Variants in MEIS2 observed in about 807,000 individuals in gnomAD.
MEIS2 encodes Meis homeobox 2.
MEIS2 carries 9 observed loss-of-function variants against 58.6 expected under a neutral mutation model. That is an observed-to-expected ratio of 0.15 (90% CI 0.09 to 0.27). MEIS2 has a LOEUF of 0.27. Among genes scored for constraint, MEIS2 ranks in the 10% least tolerant of loss-of-function variants. The probability of loss-of-function intolerance (pLI) is 1.00; values close to 1 mark genes in which losing one functional copy is unlikely to be tolerated. For missense variants in MEIS2, 427 were observed against 635.0 expected, an observed-to-expected ratio of 0.67 and a Z score of 3.52; for synonymous variants, 221 against 228.4, an observed-to-expected ratio of 0.97 and a Z score of 0.29.
chr15:36,993,951 A>G (rs913506224), intron 8 of MEIS2, among the ~76,000 whole-genome samples: 2 of 152,148 alleles, frequency 1.3e-5, no homozygotes, highest in African/African-American at 4.8e-5. Flanking sequence ...AGCTACCTCC[A>G]TAAGGTGTGA....
chr15:37,072,769 C>T (rs1199626929), intron 7 of MEIS2, among the ~76,000 whole-genome samples: 1 of 152,058 alleles, frequency 6.6e-6, no homozygotes, highest in African/African-American at 2.4e-5. Context: ...TGTTGGTGTG[C>T]TGCACCCATT....
intron 8 of MEIS2, among the ~76,000 whole-genome samples, chr15:37,002,262 C>CCACCCCAT (rs1257328375): frequency 6.6e-6 from 1 of 151,580 alleles, no homozygotes; most frequent in East Asian, 1.9e-4. Flanking sequence ...GCCCCCACCC[C>CCACCCCAT]CACCCCATCA....
intron 8 of MEIS2, among the ~76,000 whole-genome samples, chr15:37,023,329 G>C (rs988086354): frequency 1.3e-5 from 2 of 152,040 alleles, no homozygotes; most frequent in Non-Finnish European, 2.9e-5. Flanking sequence ...GGGTTGATTT[G>C]TGAATTCCTA....
intron 8 of MEIS2, among the ~76,000 whole-genome samples, chr15:36,982,359 G>A (rs1219280897): frequency 6.6e-6 from 1 of 152,054 alleles, no homozygotes; most frequent in Non-Finnish European, 1.5e-5. Flanking sequence ...CTGCTTCTAG[G>A]AGTTTAACTC....
chr15:36,913,660 C>T (rs2057144083), intron 9 of MEIS2, among the ~76,000 whole-genome samples: 1 of 152,088 alleles, frequency 6.6e-6, no homozygotes, highest in East Asian at 1.9e-4. Flanking sequence ...TGAATTTACA[C>T]ACATATGCAC....
At chr15:36,892,959 C>T (rs912731185) in intron 11 of MEIS2, among the ~76,000 whole-genome samples, 8 of 152,136 alleles carry the variant, frequency 5.3e-5, no homozygotes, top group African/African-American at 9.7e-5. Flanking sequence ...TGAGCTTTTA[C>T]GTGTATTTAA....
At chr15:37,007,537 G>T (rs2060966215) in intron 8 of MEIS2, among the ~76,000 whole-genome samples, 1 of 152,084 alleles carries the variant, frequency 6.6e-6, no homozygotes, top group Non-Finnish European at 1.5e-5. Context: ...GGGTCTCTGG[G>T]GACATGACTG....
intron 6 of MEIS2, among the ~76,000 whole-genome samples, chr15:37,089,773 C>T (rs940592548): frequency 6.6e-6 from 1 of 152,100 alleles, no homozygotes; most frequent in Non-Finnish European, 1.5e-5. Flanking sequence ...AGAGAATATA[C>T]TTCAAGCAAG....
intron 8 of MEIS2, among the ~76,000 whole-genome samples, chr15:36,954,771 T>A (rs940363921): frequency 6.6e-6 from 1 of 152,158 alleles, no homozygotes. Flanking sequence ...ATTTAGATAA[T>A]GGTCAAGTAA....
At chr15:36,971,679 TA>T (rs2059578345) in intron 8 of MEIS2, among the ~76,000 whole-genome samples, 1 of 150,294 alleles carries the variant, frequency 6.7e-6, no homozygotes, top group African/African-American at 2.5e-5. Flanking sequence ...GGGAACACAA[TA>T]TACACAATTC....
rs147548251 is a variant in MEIS2, at chr15:37,073,802, G to A, written c.754+9969C>T. Among the ~76,000 whole-genome samples the A allele has an allele frequency of 9.0e-4, 137 of 152,068 alleles. 1 individual carries two copies. In the East Asian group the frequency reaches 0.018, roughly 20 times the overall value. On this transcript the variant is annotated intron_variant, in intron 7 of 11. Coordinates refer to ENST00000561208, the MANE Select transcript of MEIS2 (RefSeq NM_170675.5). ...AATTTTACACTCCCAGTCTACTTTC[G>A]TAAATCTTCAAACTTATAAAAAAAG... is the stretch of plus-strand genomic sequence containing the variant.
At chr15:37,016,106 TGG>T (rs1043336479) in intron 8 of MEIS2, among the ~76,000 whole-genome samples, 69 of 152,266 alleles carry the variant, frequency 4.5e-4, no homozygotes, top group African/African-American at 1.6e-3. Flanking sequence ...ACGTTACTGA[TGG>T]GAGGGGGCAG....
chr15:37,018,345 C>A (rs550794255), intron 8 of MEIS2, among the ~76,000 whole-genome samples: 87 of 152,296 alleles, frequency 5.7e-4, no homozygotes, highest in Non-Finnish European at 9.7e-4. Flanking sequence ...AGCATAGGAC[C>A]TTGCGCATGT....
At chr15:36,908,311 A>G (rs2056841316) in intron 9 of MEIS2, among the ~76,000 whole-genome samples, 1 of 152,188 alleles carries the variant, frequency 6.6e-6, no homozygotes, top group Non-Finnish European at 1.5e-5. Flanking sequence ...GACATAAAAT[A>G]TATCTTTATA....
At chr15:36,909,443 CTT>C (rs984833972) in intron 9 of MEIS2, among the ~76,000 whole-genome samples, 2 of 152,094 alleles carry the variant, frequency 1.3e-5, no homozygotes, top group African/African-American at 4.8e-5. Flanking sequence ...TCGGATATAA[CTT>C]AGAATTGAGA....
At chr15:36,894,953 G>T in intron 11 of MEIS2, 198 bp downstream of exon 11, 2 of 901,444 alleles carry the variant, frequency 2.2e-6, no homozygotes, top group Non-Finnish European at 3.6e-6. Flanking sequence ...ATGGGGCAGA[G>T]TATAATGGTA....
chr15:37,027,471 A>G (rs2061745200), intron 8 of MEIS2, among the ~76,000 whole-genome samples: 1 of 152,172 alleles, frequency 6.6e-6, no homozygotes, highest in South Asian at 2.1e-4. Flanking sequence ...AATTTTCCCT[A>G]TGATCTGAAT....
intron 7 of MEIS2, among the ~76,000 whole-genome samples, chr15:37,069,356 G>T (rs1890374737): frequency 6.6e-6 from 1 of 152,194 alleles, no homozygotes; most frequent in African/African-American, 2.4e-5. Flanking sequence ...ATTCTTTAGA[G>T]GTATTGCAGT....
intron 1 of MEIS2, 50 bp from the exon 2 acceptor site, chr15:37,098,249 G>T: frequency 6.7e-7 from 1 of 1,499,974 alleles, no homozygotes; most frequent in African/African-American, 1.4e-5. Context: ...AGGGAGAACA[G>T]AGGAGGGGGG....
Sources: allele counts gnomAD v4.1 joint callset (sites outside exome capture counted in the v4.1 genomes callset), GRCh38; gene constraint gnomAD v4.1.1; transcripts MANE v1.5; gene names NCBI Gene and HGNC (gene_info 2026-07-23, HGNC 2026-07-21).